Variants in DZIP1L observed in about 807,000 individuals in gnomAD.
DZIP1L encodes DAZ interacting zinc finger protein 1 like, also known as cilium assembly protein DZIP1L.
DZIP1L carries 90 observed loss-of-function variants against 88.7 expected under a neutral mutation model. That is an observed-to-expected ratio of 1.02 (90% CI 0.86 to 1.21). The LOEUF (loss-of-function observed/expected upper bound fraction) is 1.21. Among genes scored for constraint, DZIP1L ranks in the 50% most tolerant of loss-of-function variants. The probability of loss-of-function intolerance (pLI) is 0.00; values close to 1 mark genes in which losing one functional copy is unlikely to be tolerated. For missense variants in DZIP1L, 932 were observed against 955.8 expected, an observed-to-expected ratio of 0.98 and a Z score of 0.33; for synonymous variants, 363 against 372.1, an observed-to-expected ratio of 0.98 and a Z score of 0.28.
chr3:138,086,790 A>C (rs1189102132), intron 7 of DZIP1L, among the ~76,000 whole-genome samples, 171 bp downstream of exon 7: 1 of 152,054 alleles, frequency 6.6e-6, no homozygotes, highest in African/African-American at 2.4e-5. Context: ...TGGACAGCTC[A>C]CCCCTTCTGT....
intron 10 of DZIP1L, 127 bp downstream of exon 10, chr3:138,080,440 T>C: frequency 1.1e-6 from 1 of 934,026 alleles, no homozygotes; most frequent in Non-Finnish European, 1.6e-6. Context: ...TATTATTTCA[T>C]GTCCTTAGAT....
At chr3:138,068,117 C>T (rs778616100) in intron 13 of DZIP1L, 34 bp downstream of exon 13, 3 of 1,451,724 alleles carry the variant, frequency 2.1e-6, no homozygotes, top group East Asian at 2.5e-5. Flanking sequence ...GCCACCACTG[C>T]AGGTGGGGTG....
At chr3:138,075,823 G>A (rs574617535) in intron 11 of DZIP1L, among the ~76,000 whole-genome samples, 1 of 152,268 alleles carries the variant, frequency 6.6e-6, no homozygotes, top group East Asian at 1.9e-4. Context: ...ACTGGGTGGG[G>A]TGGCACGTGC....
intron 8 of DZIP1L, among the ~76,000 whole-genome samples, chr3:138,083,359 G>A (rs553381222): frequency 2.0e-5 from 3 of 152,340 alleles, no homozygotes; most frequent in South Asian, 4.1e-4. Context: ...GGACTAGACA[G>A]TAACAGTGGG....
chr3:138,066,734 G>A (rs534200186), intron 14 of DZIP1L, among the ~76,000 whole-genome samples: 6 of 152,016 alleles, frequency 3.9e-5, no homozygotes, highest in African/African-American at 1.4e-4. Context: ...AGCTTCCACA[G>A]AAGAAGGAAC....
intron 5 of DZIP1L, chr3:138,089,128 C>T (rs920051942): frequency 1.0e-6 from 1 of 985,442 alleles, no homozygotes; most frequent in Non-Finnish European, 1.2e-6. Flanking sequence ...ATCTGTATGA[C>T]TGTATAAAAC....
chr3:138,114,230 C>A (rs1442415488), intron 1 of DZIP1L, among the ~76,000 whole-genome samples: 1 of 152,168 alleles, frequency 6.6e-6, no homozygotes, highest in East Asian at 1.9e-4. Flanking sequence ...CTCAGGGCAG[C>A]CTTTCCCTGC....
chr3:138,068,263 G>C lies in DZIP1L; in HGVS notation c.1720C>G (p.Arg574Gly), dbSNP rs775832526. 6.3e-7 allele frequency: 1 copy of C among 1,598,410 alleles called. No homozygotes were observed. The highest frequency in any genetic ancestry group is 1.7e-5 in the Admixed American group (1 of 57,844). Residue 574 changes from arginine to glycine, a missense_variant, in exon 13 of 16, where the codon CGT becomes GGT. By Grantham distance (125) the Arg-to-Gly change is moderately radical. Transcript: ENST00000327532. ...GAGCCATGGCTGCCATGGCTCTGAC[G>C]AGTTGGTGGGGGTGGCTCTGCCGGT... The part of the protein sequence containing the change: ...STPAEPPPPT[R>G]QSHGSHGSSL...
At chr3:138,103,040 T>A (rs926728731) in intron 2 of DZIP1L, 43 of 436,984 alleles carry the variant, frequency 9.8e-5, no homozygotes, top group African/African-American at 7.8e-4. Flanking sequence ...CAGAGTTGTA[T>A]CCTTTATAAC....
Position 138,107,845 on chromosome 3 carries a change from G to A in DZIP1L, c.-81-3793C>T, listed in dbSNP as rs1016449951. ...GCTCCCTATTCCCACTGTACCAAACGCAAACCTCTCAGCCTGGTCTTGAGA... is the reference window on the plus strand; with the variant it reads ...GCTCCCTATTCCCACTGTACCAAACACAAACCTCTCAGCCTGGTCTTGAGA... On this transcript the variant is annotated intron_variant, in intron 1 of 15. Transcript: ENST00000327532. Among the ~76,000 whole-genome samples, 7 of 152,182 alleles carry A rather than the reference G, an allele frequency of 4.6e-5. No individual in the cohort carries two copies. In the South Asian group the frequency reaches 1.2e-3, roughly 27 times the overall value.
At chr3:138,074,302 T>C (rs1943304737) in intron 11 of DZIP1L, among the ~76,000 whole-genome samples, 1 of 152,186 alleles carries the variant, frequency 6.6e-6, no homozygotes, top group Non-Finnish European at 1.5e-5. Context: ...ATAAGAGCTG[T>C]GAGGCAAAAG....
chr3:138,091,352 C>T (rs1479415089), intron 5 of DZIP1L, among the ~76,000 whole-genome samples: 1 of 151,498 alleles, frequency 6.6e-6, no homozygotes, highest in Non-Finnish European at 1.5e-5. Flanking sequence ...CGCAGTGGCT[C>T]ATGCCTGTAA....
intron 1 of DZIP1L, among the ~76,000 whole-genome samples, chr3:138,106,850 T>A (rs2107862789): frequency 1.0e-5 from 1 of 100,410 alleles, no homozygotes. Flanking sequence ...GTGGTAGGAC[T>A]AGGTTGGCCA....
rs1282221261 is a variant in DZIP1L at position 138,063,540 on chromosome 3, C to T, written c.2143-563G>A. ...GGACCAGGCCACCCCCTGACCACAG[C>T]CACCTGCGTAGCAGCCCAGGCTTTC... On this transcript the variant is annotated intron_variant, in intron 15 of 15. Coordinates refer to ENST00000327532, the MANE Select transcript of DZIP1L (RefSeq NM_173543.3). This position sits in a 1 kb window ranked among gnomAD's most constrained non-coding sequence, Gnocchi z 4.1. Among the ~76,000 whole-genome samples the T allele has an allele frequency of 6.6e-6, 1 of 152,200 alleles. No homozygotes were observed. The highest frequency in any genetic ancestry group is 1.9e-4 in the East Asian group (1 of 5,182).
chr3:138,111,791 T>C (rs1490546605), intron 1 of DZIP1L, among the ~76,000 whole-genome samples: 1 of 152,036 alleles, frequency 6.6e-6, no homozygotes, highest in African/African-American at 2.4e-5. Flanking sequence ...GGTCAGGAGT[T>C]CAAGACCAGC....
At chr3:138,086,867 G>T in intron 7 of DZIP1L, 94 bp downstream of exon 7, 1 of 1,302,280 alleles carries the variant, frequency 7.7e-7, no homozygotes, top group Non-Finnish European at 1.1e-6. Context: ...AGGTGAGATA[G>T]GGGAGATGGT....
chr3:138,068,689 C>T (rs760868689), intron 12 of DZIP1L, among the ~76,000 whole-genome samples: 7 of 152,132 alleles, frequency 4.6e-5, no homozygotes, highest in Non-Finnish European at 7.4e-5. Context: ...TTCACCAAGG[C>T]TGCTACCCTC....
At chr3:138,107,876 T>G (rs1450710815) in intron 1 of DZIP1L, among the ~76,000 whole-genome samples, 1 of 152,120 alleles carries the variant, frequency 6.6e-6, no homozygotes, top group East Asian at 1.9e-4. Flanking sequence ...TGAGACTGCC[T>G]ACAGGATGCC....
intron 8 of DZIP1L, among the ~76,000 whole-genome samples, chr3:138,083,173 ACT>A (rs1943745934): frequency 1.3e-5 from 2 of 152,212 alleles, no homozygotes; most frequent in African/African-American, 2.4e-5. Context: ...CACTGTGGAA[ACT>A]CTGCTGTGGT....
Sources: gnomAD v4.1 joint callset for allele counts (sites outside exome capture counted in the v4.1 genomes callset) on GRCh38, gnomAD v4.1.1 for gene constraint, Gnocchi (gnomAD v3.1) non-coding constraint, MANE v1.5 for transcripts, NCBI Gene and HGNC (gene_info 2026-07-23, HGNC 2026-07-21) for gene names.